FGF13: variants seen among roughly 807,000 people sequenced by gnomAD.
FGF13 encodes fibroblast growth factor 13.
Under a neutral mutation model 19.5 loss-of-function variants are expected in FGF13, and 2 were observed. The observed-to-expected ratio is 0.10, with a 90% CI of 0.04 to 0.32. The LOEUF (loss-of-function observed/expected upper bound fraction) is 0.32. FGF13 is among the 10% of genes least tolerant of loss of function. The probability of loss-of-function intolerance (pLI) is 1.00; values close to 1 mark genes in which losing one functional copy is unlikely to be tolerated. For missense variants in FGF13, 113 were observed against 192.7 expected, an observed-to-expected ratio of 0.59 and a Z score of 2.45; for synonymous variants, 72 against 76.9, an observed-to-expected ratio of 0.94 and a Z score of 0.33.
chrX:139,090,123 A>G (rs765321675), intron 1 of FGF13, among the ~76,000 whole-genome samples: 1 of 112,359 alleles, frequency 8.9e-6, no homozygotes, highest in Non-Finnish European at 1.9e-5. Context: ...AACTACTACT[A>G]ATAATAAGCT....
chrX:138,951,084 T>A (rs2091808688), intron 1 of FGF13, among the ~76,000 whole-genome samples: 1 of 111,862 alleles, frequency 8.9e-6, no homozygotes, highest in South Asian at 3.7e-4. Flanking sequence ...TTTACACAAA[T>A]GAGAGAATTG....
chrX:138,768,716 T>C (rs1179755084), intron 3 of FGF13, among the ~76,000 whole-genome samples: 10 of 98,545 alleles, frequency 1.0e-4, no homozygotes, highest in African/African-American at 3.6e-4. Context: ...TATATATATA[T>C]AAGTATATAT....
At chrX:138,849,526 A>G (rs1226541860) in intron 3 of FGF13, among the ~76,000 whole-genome samples, 2 of 112,060 alleles carry the variant, frequency 1.8e-5, no homozygotes, top group Admixed American at 9.5e-5. Flanking sequence ...GGAGCAGAAC[A>G]TTCTTGTGCA....
At chrX:138,684,540 A>T (rs933221594) in intron 3 of FGF13, among the ~76,000 whole-genome samples, 10 of 111,704 alleles carry the variant, frequency 9.0e-5, no homozygotes, top group African/African-American at 2.9e-4. Flanking sequence ...ATGGTGGGAA[A>T]TATAAAAGAT....
chrX:138,931,230 A>G (rs1220070772), intron 1 of FGF13, among the ~76,000 whole-genome samples: 1 of 110,943 alleles, frequency 9.0e-6, no homozygotes, highest in Non-Finnish European at 1.9e-5. Context: ...CCTTTACTGA[A>G]GTGAATATGA....
chrX:138,736,816 G>A (rs2090278878), intron 1 of FGF13, among the ~76,000 whole-genome samples: 1 of 109,506 alleles, frequency 9.1e-6, no homozygotes, highest in Non-Finnish European at 1.9e-5. Flanking sequence ...TATGATACAT[G>A]GAGTACTAGG....
chrX:138,637,028 C>T (rs753134235), intron 3 of FGF13, among the ~76,000 whole-genome samples: 1 of 111,718 alleles, frequency 9.0e-6, no homozygotes, highest in Non-Finnish European at 1.9e-5. Context: ...ACACAGTAAT[C>T]TGCCTAATCT....
At chrX:139,111,834 C>G (rs908033116) in intron 1 of FGF13, among the ~76,000 whole-genome samples, 2 of 111,903 alleles carry the variant, frequency 1.8e-5, no homozygotes, top group Admixed American at 1.9e-4. Flanking sequence ...ATTCTAAATT[C>G]CTTATACATG....
At chrX:139,146,797 G>T (rs1422469980) in intron 1 of FGF13, among the ~76,000 whole-genome samples, 1 of 111,417 alleles carries the variant, frequency 9.0e-6, no homozygotes, top group African/African-American at 3.3e-5. Flanking sequence ...CCATAAAAAA[G>T]GATGAGTTCA....
At chrX:139,019,971 T>A (rs2092170793) in intron 1 of FGF13, among the ~76,000 whole-genome samples, 1 of 109,977 alleles carries the variant, frequency 9.1e-6, no homozygotes, top group African/African-American at 3.3e-5. Context: ...TTAAATAGTA[T>A]CACATTGAGC....
intron 1 of FGF13, among the ~76,000 whole-genome samples, chrX:138,881,402 T>C (rs1041280359): frequency 8.9e-6 from 1 of 112,122 alleles, no homozygotes; most frequent in African/African-American, 3.2e-5. Flanking sequence ...TCCAATTTTG[T>C]AGCAGGGTAA....
chrX:139,045,052 A>T (rs1052305144), intron 1 of FGF13, among the ~76,000 whole-genome samples: 9 of 112,282 alleles, frequency 8.0e-5, no homozygotes, highest in Admixed American at 7.5e-4. Flanking sequence ...CTGGATACCC[A>T]GGCTTTTTTC....
intron 1 of FGF13, among the ~76,000 whole-genome samples, chrX:139,109,375 G>A (rs1569453966): frequency 9.0e-6 from 1 of 111,716 alleles, no homozygotes; most frequent in Non-Finnish European, 1.9e-5. Context: ...TACCAGCAAA[G>A]GGGATGAGAA....
chrX:138,821,764 T>A (rs2091001413), intron 3 of FGF13, among the ~76,000 whole-genome samples: 2 of 111,975 alleles, frequency 1.8e-5, no homozygotes, highest in Admixed American at 1.9e-4. Flanking sequence ...GAGATTTCTA[T>A]GGTTCTGTGA....
At chrX:139,134,853 G>A (rs1423826030) in intron 1 of FGF13, among the ~76,000 whole-genome samples, 6 of 110,876 alleles carry the variant, frequency 5.4e-5, no homozygotes, top group Non-Finnish European at 1.1e-4. Flanking sequence ...TTGCCATGTT[G>A]TCCCGGCTGG....
Position 138,630,386 on chromosome X carries a change from T to C in FGF13, c.*2464A>G, listed in dbSNP as rs2089104321. ...AGGGAGACAATGCACTACTTTTCCC[T>C]ACTGATTGAAAATTAGTAAGAGTTA... On this transcript the variant is annotated 3_prime_UTR_variant, in exon 5 of 5. Coordinates refer to ENST00000315930, the MANE Select transcript of FGF13 (RefSeq NM_004114.5). 1 of 111,221 alleles carries C rather than the reference T, an allele frequency of 9.0e-6. No individual in the cohort carries two copies. The highest frequency in any genetic ancestry group is 9.6e-5 in the Admixed American group (1 of 10,365). The allele number at this position is 111,221 out of a possible 1,213,427, so 9.2% of individuals were successfully genotyped here.
intron 1 of FGF13, among the ~76,000 whole-genome samples, chrX:138,932,553 G>A (rs753710745): frequency 1.8e-5 from 2 of 110,723 alleles, no homozygotes; most frequent in East Asian, 5.8e-4. Flanking sequence ...AGTGAGCTGA[G>A]ATCGCACCAT....
At chrX:138,922,398 T>G (rs2091651488) in intron 1 of FGF13, among the ~76,000 whole-genome samples, 1 of 111,795 alleles carries the variant, frequency 8.9e-6, no homozygotes, top group Non-Finnish European at 1.9e-5. Context: ...CAAGGTGGCC[T>G]GCATAGGGCT....
At chrX:139,018,927 T>C (rs990239909) in intron 1 of FGF13, among the ~76,000 whole-genome samples, 1 of 111,155 alleles carries the variant, frequency 9.0e-6, no homozygotes, top group African/African-American at 3.3e-5. Context: ...ACATTTTCAC[T>C]ACCCCAAAAA....
Sources: gnomAD v4.1 joint callset for allele counts (sites outside exome capture counted in the v4.1 genomes callset) on GRCh38, gnomAD v4.1.1 for gene constraint, MANE v1.5 for transcripts, NCBI Gene and HGNC (gene_info 2026-07-23, HGNC 2026-07-21) for gene names.